The following ANKRD18A variants were observed in gnomAD, a reference collection of about 807,000 sequenced individuals.
The protein encoded by ANKRD18A is ankyrin repeat domain 18A, also known as ankyrin repeat domain-containing protein 18A.
In ANKRD18A, 72 loss-of-function variants were observed where a neutral mutation model predicts 110.6. The ratio of observed to expected loss-of-function variants is 0.65; its 90% CI spans 0.54 to 0.79. The LOEUF (loss-of-function observed/expected upper bound fraction) is 0.79, where lower values mean the gene tolerates loss of function less well. ANKRD18A is among the 30% of genes least tolerant of loss of function. ANKRD18A has a pLI of 0.00. For missense variants in ANKRD18A, 934 were observed against 1,163.3 expected, an observed-to-expected ratio of 0.80 and a Z score of 2.87; for synonymous variants, 305 against 410.3, an observed-to-expected ratio of 0.74 and a Z score of 3.10.
rs1425585322 is a variant in ANKRD18A at position 38,579,993 on chromosome 9, T to C, written c.2248-1845A>G. 2.6e-5 allele frequency among the ~76,000 whole-genome samples: 4 copies of C among 152,210 alleles called. 1 individual carries two copies. The highest frequency in any genetic ancestry group is 2.0e-4 in the Admixed American group (3 of 15,286). On this transcript the variant is annotated intron_variant, in intron 12 of 15. Transcript: ENST00000399703. ...CACATAAACAATGGAATACTCACCA[T>C]ATAAAAAAATGAAATCCTCTTACTT...
chr9:38,595,404 A>G (rs1014478551), intron 9 of ANKRD18A, 82 bp downstream of exon 9: 28 of 1,216,504 alleles, frequency 2.3e-5, no homozygotes, highest in Middle Eastern at 2.9e-4. Flanking sequence ...ATTTATTTGT[A>G]TATTGAACTA....
Position 38,610,253 on chromosome 9 carries a change from C to T in ANKRD18A, c.740+20G>A. On this transcript the variant is annotated intron_variant, in intron 5 of 15. Coordinates refer to ENST00000399703, the MANE Select transcript of ANKRD18A (RefSeq NM_147195.4). ...AAACCTTAATTTAGTATTAACCGGT[C>T]TTTTAATATAAGCACATACCTTCTC... 1.3e-6 allele frequency: 2 copies of T among 1,503,490 alleles called. No individual in the cohort carries two copies. Among genetic ancestry groups the T allele is most frequent in the Non-Finnish European group, 1.8e-6 (2 of 1,129,780 alleles). The allele number at this position is 1,503,490 out of a possible 1,614,324, so 93.1% of individuals were successfully genotyped here.
At chr9:38,577,477 A>G (rs1435019904) in intron 13 of ANKRD18A, among the ~76,000 whole-genome samples, 2 of 152,200 alleles carry the variant, frequency 1.3e-5, no homozygotes, top group Admixed American at 6.5e-5. Flanking sequence ...TACTTATGTT[A>G]GTATTAATGT....
At chr9:38,612,797 G>A (rs992353145) in intron 3 of ANKRD18A, among the ~76,000 whole-genome samples, 38 of 152,060 alleles carry the variant, frequency 2.5e-4, no homozygotes, top group Non-Finnish European at 4.4e-4. Context: ...GATTACAGGT[G>A]TGAGCCATTG....
At chr9:38,617,218 G>A (rs1825894746) in intron 1 of ANKRD18A, among the ~76,000 whole-genome samples, 10 of 152,208 alleles carry the variant, frequency 6.6e-5, no homozygotes, top group Admixed American at 5.9e-4. Context: ...GAGGCAGGTG[G>A]ATCTCTAGGT....
chr9:38,570,780 C>T (rs1823610199), downstream of ANKRD18A, among the ~76,000 whole-genome samples: 1 of 152,226 alleles, frequency 6.6e-6, no homozygotes, highest in South Asian at 2.1e-4. Flanking sequence ...TCCTCCAAGA[C>T]ACAGGGAGGG....
downstream of ANKRD18A, chr9:38,568,530 T>C (rs1342601973): frequency 5.6e-6 from 1 of 177,964 alleles, no homozygotes. Flanking sequence ...CCATCAGCCG[T>C]CAAGTGGCAG....
intron 6 of ANKRD18A, among the ~76,000 whole-genome samples, chr9:38,607,091 C>T (rs1825394102): frequency 6.6e-6 from 1 of 152,168 alleles, no homozygotes; most frequent in Non-Finnish European, 1.5e-5. Flanking sequence ...GAGTCTTGCT[C>T]TTCCATCCAG....
intron 12 of ANKRD18A, 38 bp from the exon 13 acceptor site, chr9:38,578,186 G>A (rs1823993107): frequency 6.6e-7 from 1 of 1,508,052 alleles, no homozygotes; most frequent in Non-Finnish European, 8.9e-7. Flanking sequence ...TAATGAAGTA[G>A]GCTGAGAATA....
rs755386340 is a variant in ANKRD18A at position 38,596,347 on chromosome 9, C to T, written c.993G>A (p.Lys331=). 6.7e-7 allele frequency: 1 copy of T among 1,488,562 alleles called. No individual in the cohort carries two copies. The highest frequency in any genetic ancestry group is 1.4e-5 in the South Asian group (1 of 73,392). The allele number at this position is 1,488,562 out of a possible 1,614,324, so 92.2% of individuals were successfully genotyped here. The change falls in exon 9 of 16, where the codon AAG becomes AAA. Residue 331 remains lysine (K), a synonymous_variant. Coordinates refer to ENST00000399703, the MANE Select transcript of ANKRD18A (RefSeq NM_147195.4). The part of the protein sequence containing the change: ...KDAMYGNFML[K]KDIAMLKEEL... The stretch of plus-strand genomic sequence containing the variant: ...CCTCTTTGAGCATGGCAATGTCTTT[C>T]TTCAACATAAAATTTCCATACATCG...
intron 3 of ANKRD18A, among the ~76,000 whole-genome samples, chr9:38,612,753 G>T (rs7854876): frequency 6.6e-6 from 1 of 151,828 alleles, no homozygotes. Context: ...TCCTGACCTC[G>T]TGATCTGCCC....
At chr9:38,567,016 A>C (rs1175313888), downstream of ANKRD18A, 1 of 152,232 alleles carries the variant, frequency 6.6e-6, no homozygotes, top group Non-Finnish European at 1.5e-5. Flanking sequence ...TCAATCTTTG[A>C]ATATAAAGAC....
chr9:38,595,328 A>G (rs1824826374), intron 9 of ANKRD18A, among the ~76,000 whole-genome samples, 158 bp downstream of exon 9: 1 of 152,126 alleles, frequency 6.6e-6, no homozygotes, highest in Admixed American at 6.6e-5. Context: ...TTCTGTCCCT[A>G]TAGATGTATT....
chr9:38,620,017 G>A, intron 1 of ANKRD18A, 63 bp downstream of exon 1: 11 of 1,533,926 alleles, frequency 7.2e-6, no homozygotes, highest in South Asian at 1.2e-5. Context: ...CCCAGGGGCT[G>A]CCGGGCTGCA....
intron 3 of ANKRD18A, among the ~76,000 whole-genome samples, chr9:38,612,774 C>T (rs1825689939): frequency 6.6e-6 from 1 of 152,070 alleles, no homozygotes; most frequent in African/African-American, 2.4e-5. Context: ...GCCTCAGCCT[C>T]CCAAAGTGCT....
intron 6 of ANKRD18A, chr9:38,604,041 T>C (rs540276756): frequency 6.6e-6 from 1 of 152,548 alleles, no homozygotes; most frequent in African/African-American, 2.4e-5. Flanking sequence ...GGCTCATCTT[T>C]GTAATCCCAG....
chr9:38,612,682 T>A (rs925517720), intron 3 of ANKRD18A, among the ~76,000 whole-genome samples: 1 of 151,942 alleles, frequency 6.6e-6, no homozygotes, highest in Non-Finnish European at 1.5e-5. Flanking sequence ...CACACCTGGC[T>A]AACTTTTTGT....
At chr9:38,618,906 A>C in intron 1 of ANKRD18A, among the ~76,000 whole-genome samples, 1 of 149,544 alleles carries the variant, frequency 6.7e-6, no homozygotes, top group South Asian at 2.1e-4. Context: ...TAATATATAC[A>C]ATTTCTTATA....
intron 3 of ANKRD18A, among the ~76,000 whole-genome samples, chr9:38,612,393 T>C (rs941167501): frequency 1.3e-5 from 2 of 152,144 alleles, no homozygotes; most frequent in Non-Finnish European, 2.9e-5. Context: ...TTATTTTTTT[T>C]ACTTTAGGCA....
Sources: allele counts gnomAD v4.1 joint callset (sites outside exome capture counted in the v4.1 genomes callset), GRCh38; gene constraint gnomAD v4.1.1; transcripts MANE v1.5; gene names NCBI Gene and HGNC (gene_info 2026-07-23, HGNC 2026-07-21).